The following RARB variants were observed in gnomAD, a reference collection of about 807,000 sequenced individuals.
RARB encodes the protein HBV-activated protein.
In RARB, 17 loss-of-function variants were observed where a neutral mutation model predicts 51.9. The ratio of observed to expected loss-of-function variants is 0.33; its 90% CI spans 0.22 to 0.49. The LOEUF (loss-of-function observed/expected upper bound fraction) is 0.49, where lower values mean the gene tolerates loss of function less well. RARB is among the 20% of genes least tolerant of loss of function. The probability of loss-of-function intolerance (pLI) is 0.99; values close to 1 mark genes in which losing one functional copy is unlikely to be tolerated. For missense variants in RARB, 369 were observed against 550.8 expected, an observed-to-expected ratio of 0.67 and a Z score of 3.30; for synonymous variants, 215 against 195.4, an observed-to-expected ratio of 1.10 and a Z score of -0.84.
intron 1 of RARB, among the ~76,000 whole-genome samples, chr3:24,852,648 CAATT>C (rs1193914845): frequency 2.0e-5 from 3 of 152,062 alleles, no homozygotes; most frequent in African/African-American, 7.2e-5. Flanking sequence ...TATATCTATA[CAATT>C]AATTGTTTGG....
At chr3:25,334,405 C>A (rs1164190871) in intron 5 of RARB, among the ~76,000 whole-genome samples, 1 of 152,172 alleles carries the variant, frequency 6.6e-6, no homozygotes, top group Admixed American at 6.5e-5. Flanking sequence ...AGGAAACCAT[C>A]ATTCTGAGCA....
intron 2 of RARB, among the ~76,000 whole-genome samples, chr3:24,950,886 C>T (rs1214693115): frequency 1.3e-5 from 2 of 152,114 alleles, no homozygotes; most frequent in Non-Finnish European, 2.9e-5. Flanking sequence ...AATGCAACTA[C>T]CTCCACCCTG....
At chr3:25,593,936 C>A (rs1313832279) in intron 6 of RARB, among the ~76,000 whole-genome samples, 3 of 151,946 alleles carry the variant, frequency 2.0e-5, no homozygotes, top group African/African-American at 7.3e-5. Context: ...GCTATTACTC[C>A]AATTGCCACA....
At chr3:24,843,369 T>C (rs150492734) in intron 1 of RARB, among the ~76,000 whole-genome samples, 2 of 152,326 alleles carry the variant, frequency 1.3e-5, no homozygotes, top group African/African-American at 4.8e-5. Context: ...ATCTTATCTT[T>C]AATACTTACT....
At chr3:24,891,935 A>G (rs1358187006) in intron 2 of RARB, among the ~76,000 whole-genome samples, 1 of 152,140 alleles carries the variant, frequency 6.6e-6, no homozygotes, top group African/African-American at 2.4e-5. Flanking sequence ...CCACAGAAGT[A>G]GATGGGGGAC....
At chr3:25,244,033 T>A (rs1702494330) in intron 5 of RARB, among the ~76,000 whole-genome samples, 1 of 152,156 alleles carries the variant, frequency 6.6e-6, no homozygotes, top group Non-Finnish European at 1.5e-5. Flanking sequence ...CCTGGTTTAG[T>A]CTTGGAAAGG....
intron 3 of RARB, among the ~76,000 whole-genome samples, chr3:25,522,982 G>T (rs1698465875): frequency 6.6e-6 from 1 of 152,166 alleles, no homozygotes; most frequent in Admixed American, 6.5e-5. Context: ...AGTTCTGTTG[G>T]TCACAAGGGC....
intron 2 of RARB, among the ~76,000 whole-genome samples, chr3:24,861,594 TAA>T (rs3057186): frequency 1.7e-4 from 23 of 137,886 alleles, no homozygotes; most frequent in South Asian, 1.4e-3. Flanking sequence ...TAACTTGTTA[TAA>T]AAAAAAAAAA....
chr3:25,101,798 C>A (rs372898615), intron 3 of RARB, among the ~76,000 whole-genome samples: 2 of 151,982 alleles, frequency 1.3e-5, no homozygotes, highest in African/African-American at 4.8e-5. Flanking sequence ...AACATACATT[C>A]CCACCAAGAG....
chr3:25,428,253 T>A, upstream of RARB: 1 of 1,232,638 alleles, frequency 8.1e-7, no homozygotes, highest in Admixed American at 4.2e-5. Context: ...AATTCAATCT[T>A]TCATTCTGTG....
At chr3:25,376,971 A>G (rs73157807) in intron 5 of RARB, among the ~76,000 whole-genome samples, 6,222 of 152,268 alleles carry the variant, frequency 0.041, 141 homozygotes, top group Middle Eastern at 0.065. Flanking sequence ...TCATTTCATA[A>G]TAAATGACAA....
intron 1 of RARB, among the ~76,000 whole-genome samples, chr3:25,432,816 T>C (rs1437380789): frequency 6.6e-6 from 1 of 152,160 alleles, no homozygotes; most frequent in Non-Finnish European, 1.5e-5. Context: ...TTTAAATCAG[T>C]AATTTAGAAA....
chr3:24,889,908 GAA>G (rs76271154), intron 2 of RARB, among the ~76,000 whole-genome samples: 36 of 112,852 alleles, frequency 3.2e-4, no homozygotes, highest in Admixed American at 3.8e-4. Flanking sequence ...GAGCAGGCAT[GAA>G]AAAAAAAAAA....
chr3:25,095,373 C>T (rs1312735730), intron 3 of RARB, among the ~76,000 whole-genome samples: 1 of 152,164 alleles, frequency 6.6e-6, no homozygotes, highest in African/African-American at 2.4e-5. Flanking sequence ...CATCTGGGAA[C>T]TTCTTATAAA....
intron 2 of RARB, among the ~76,000 whole-genome samples, chr3:25,044,560 C>G (rs1698176759): frequency 6.6e-6 from 1 of 152,174 alleles, no homozygotes; most frequent in African/African-American, 2.4e-5. Flanking sequence ...GTTCAAGGTT[C>G]CATGTGCTAG....
intron 3 of RARB, among the ~76,000 whole-genome samples, chr3:25,540,459 C>T (rs1414177840): frequency 6.6e-6 from 1 of 152,194 alleles, no homozygotes; most frequent in Non-Finnish European, 1.5e-5. Context: ...TATCAGTGAG[C>T]TCCCTGGATA....
intron 2 of RARB, among the ~76,000 whole-genome samples, chr3:24,973,175 A>C (rs1224947462): frequency 6.6e-6 from 1 of 152,024 alleles, no homozygotes; most frequent in Middle Eastern, 3.2e-3. Context: ...ATAAGGGCCT[A>C]GTTCATTCTT....
At chr3:25,565,787 C>A (rs147429334) in intron 3 of RARB, among the ~76,000 whole-genome samples, 1 of 152,206 alleles carries the variant, frequency 6.6e-6, no homozygotes, top group African/African-American at 2.4e-5. Context: ...CATAACTAAC[C>A]CACATAGGCC....
intron 5 of RARB, among the ~76,000 whole-genome samples, chr3:25,286,007 A>C (rs906879569): frequency 6.6e-6 from 1 of 151,374 alleles, no homozygotes; most frequent in African/African-American, 2.4e-5. Flanking sequence ...TATTTTCCTT[A>C]AACCATTTGT....
Sources: allele counts gnomAD v4.1 joint callset (sites outside exome capture counted in the v4.1 genomes callset), GRCh38; gene constraint gnomAD v4.1.1; transcripts MANE v1.5; gene names NCBI Gene and HGNC (gene_info 2026-07-23, HGNC 2026-07-21).